Variants in WDR75 observed in about 807,000 individuals in gnomAD.
WDR75 encodes WD repeat-containing protein 75.
WDR75 carries 52 observed loss-of-function variants against 106.1 expected under a neutral mutation model. The observed-to-expected ratio is 0.49, with a 90% CI of 0.39 to 0.62. The LOEUF is 0.62. Ranked by LOEUF, WDR75 falls within the 20% of genes least tolerant of loss-of-function variation. The pLI is 0.00. For synonymous variants in WDR75, 333 were observed against 335.5 expected (o/e 0.99, Z 0.08); for missense variants, 905 against 970.3 (o/e 0.93, Z 0.89).
Position 189,474,461 on chromosome 2 carries a change from A to G in WDR75, c.2196+129A>G, listed in dbSNP as rs1574207283. ...TAATACCCAAACTAAATAACTAACAACAAACCGAGTAACTTAACCTTGTGA... is the reference window on the plus strand; with the variant it reads ...TAATACCCAAACTAAATAACTAACAGCAAACCGAGTAACTTAACCTTGTGA... On this transcript the variant is annotated intron_variant, in intron 19 of 20. Transcript: ENST00000314761. 8.0e-6 allele frequency: 9 copies of G among 1,123,170 alleles called. No homozygotes were observed. In the East Asian group the frequency reaches 2.2e-4, roughly 27 times the overall value. 69.6% of individuals were successfully genotyped at this position (1,123,170 alleles called of 1,614,324 possible).
chr2:189,460,316 G>T (rs1345032698), intron 8 of WDR75, among the ~76,000 whole-genome samples: 1 of 152,158 alleles, frequency 6.6e-6, no homozygotes, highest in Non-Finnish European at 1.5e-5. Context: ...TCTTACTTGG[G>T]TGTAATGCCC....
At chr2:189,473,155 T>A (rs1245343163) in intron 18 of WDR75, among the ~76,000 whole-genome samples, 1 of 151,894 alleles carries the variant, frequency 6.6e-6, no homozygotes, top group African/African-American at 2.4e-5. Flanking sequence ...AGATGGCGGT[T>A]GCAGTGAGCC....
chr2:189,465,748 A>G (rs1686986730), intron 12 of WDR75, among the ~76,000 whole-genome samples: 1 of 152,166 alleles, frequency 6.6e-6, no homozygotes, highest in African/African-American at 2.4e-5. Context: ...CTTCAAAAGA[A>G]CACTGTAAGA....
chr2:189,459,024 C>A, intron 7 of WDR75, 152 bp downstream of exon 7: 2 of 1,098,370 alleles, frequency 1.8e-6, no homozygotes, highest in Non-Finnish European at 2.5e-6. Flanking sequence ...AATTTCTAGC[C>A]TTGGACTTAT....
chr2:189,465,071 C>A lies in WDR75; in HGVS notation c.1114-8C>A. The A allele has an allele frequency of 6.5e-7, 1 of 1,531,624 alleles. No homozygotes were observed. Among genetic ancestry groups the A allele is most frequent in the Non-Finnish European group, 8.8e-7 (1 of 1,136,180 alleles). 94.9% of individuals were successfully genotyped at this position (1,531,624 alleles called of 1,614,324 possible). The stretch of plus-strand genomic sequence containing the variant: ...CATTTTGGTTTTTTGGTTTTTTTTA[C>A]TCATCAGTTAGATATTATACAGCAA... On this transcript the variant is annotated splice_region_variant and splice_polypyrimidine_tract_variant and intron_variant, in intron 11 of 20. Coordinates refer to ENST00000314761, the MANE Select transcript of WDR75 (RefSeq NM_032168.3).
At chr2:189,444,181 T>C (rs1044398936) in intron 1 of WDR75, among the ~76,000 whole-genome samples, 11 of 152,134 alleles carry the variant, frequency 7.2e-5, no homozygotes, top group African/African-American at 2.7e-4. Flanking sequence ...TCAGCAAAGA[T>C]TTGAATATTA....
In WDR75 at chr2:189,448,528, T is replaced by G; in HGVS notation, c.216+20T>G. On this transcript the variant is annotated intron_variant, in intron 2 of 20. Transcript: ENST00000314761. ...CTACAGGTGTCAAACAGTTTATAGC[T>G]GAATACTTTAAGACTGGCTTTGTTC... 6.2e-7 allele frequency: 1 copy of G among 1,608,596 alleles called. No individual in the cohort carries two copies. Among genetic ancestry groups the G allele is most frequent in the Non-Finnish European group, 8.5e-7 (1 of 1,178,104 alleles).
In WDR75 at chr2:189,448,505, A is replaced by G. The variant is rs1378357505; in HGVS notation, c.213A>G (p.Leu71=). 1.2e-6 allele frequency: 2 copies of G among 1,613,782 alleles called. No homozygotes were observed. Among genetic ancestry groups the G allele is most frequent in the Middle Eastern group, 1.7e-4 (1 of 6,058 alleles). The stretch of plus-strand genomic sequence containing the variant: ...TCCAGCTTAACCCCAACAACCATCT[A>G]CAGGTGTCAAACAGTTTATAGCTGA... ...TGIQLNPNNH[L]QLYSCSLDGT... The change falls in exon 2 of 21, where the codon CTA becomes CTG. Residue 71 remains leucine, a synonymous_variant. Transcript: ENST00000314761.
chr2:189,451,029 G>C lies in WDR75; in HGVS notation c.282+61G>C, dbSNP rs1686611014. On this transcript the variant is annotated intron_variant, in intron 3 of 20. Coordinates refer to ENST00000314761, the MANE Select transcript of WDR75 (RefSeq NM_032168.3). Reference sequence around the variant, plus strand: ...TAAAAAAAGGCAATGTAATTTAATGGTAGATGTACTGTTTCTATAAGGCCA... The same window carrying C: ...TAAAAAAAGGCAATGTAATTTAATGCTAGATGTACTGTTTCTATAAGGCCA... The C allele has an allele frequency of 5.2e-6, 8 of 1,548,004 alleles. No individual in the cohort carries two copies. The South Asian group carries it at 1.0e-4, about 20-fold the overall frequency.
intron 1 of WDR75, among the ~76,000 whole-genome samples, chr2:189,442,630 A>T (rs552070037): frequency 1.3e-5 from 2 of 151,820 alleles, no homozygotes; most frequent in Non-Finnish European, 1.5e-5. Context: ...TTGTATTTTT[A>T]GTAGAGAGAG....
At chr2:189,470,902 G>A (rs1194422598) in intron 18 of WDR75, 24 bp downstream of exon 18, 1 of 1,561,002 alleles carries the variant, frequency 6.4e-7, no homozygotes, top group Non-Finnish European at 8.7e-7. Context: ...ATTCATAGCA[G>A]GATGTATTGC....
chr2:189,455,240 C>CAAAAAAAAAAAAAAAAAAA (rs5837143), intron 4 of WDR75, 80 bp from the exon 5 acceptor site: 1 of 1,130,786 alleles, frequency 8.8e-7, no homozygotes, highest in African/African-American at 1.6e-5. Context: ...GACTTTGCCT[C>CAAAAAAAAAAAAAAAAAAA]AAAAAAAAAA....
Position 189,474,766 on chromosome 2 carries a change from C to T in WDR75, c.2246C>T (p.Ser749Phe), listed in dbSNP as rs755378434. Reference sequence around the variant, plus strand: ...CTGCCATCTGCTGCTTTCCTGTGCTCCATGTTTGTAAATTCATTGCTGCTG... The same window carrying T: ...CTGCCATCTGCTGCTTTCCTGTGCTTCATGTTTGTAAATTCATTGCTGCTG... ...HVLPSAAFLC[S>F]MFVNSLLLSK... The change falls in exon 20 of 21, where the codon TCC becomes TTC. Residue 749 changes from serine (S) to phenylalanine (F), a missense_variant. Transcript: ENST00000314761. 8.7e-6 allele frequency: 14 copies of T among 1,614,032 alleles called. 1 individual carries two copies. The highest frequency in any genetic ancestry group is 4.0e-5 in the African/African-American group (3 of 75,028).
At chr2:189,451,479 C>A (rs190684654) in intron 3 of WDR75, among the ~76,000 whole-genome samples, 1 of 152,120 alleles carries the variant, frequency 6.6e-6, no homozygotes, top group Non-Finnish European at 1.5e-5. Context: ...TCAATAAACA[C>A]GTTTTGCTAC....
At chr2:189,451,759 C>G (rs1336826660) in intron 3 of WDR75, 46 bp from the exon 4 acceptor site, 42 of 1,513,432 alleles carry the variant, frequency 2.8e-5, no homozygotes, top group Non-Finnish European at 3.5e-5. Context: ...TTATGTTCCA[C>G]TGGAGGGAAC....
In WDR75 at chr2:189,450,976, G is replaced by T; in HGVS notation, c.282+8G>T. 1 of 1,597,548 alleles carries T rather than the reference G, an allele frequency of 6.3e-7. No homozygotes were observed. The highest frequency in any genetic ancestry group is 8.5e-7 in the Non-Finnish European group (1 of 1,176,130). On this transcript the variant is annotated splice_region_variant and intron_variant, in intron 3 of 20. Coordinates refer to ENST00000314761, the MANE Select transcript of WDR75 (RefSeq NM_032168.3). ...GATGGCATCTTAATAAAGGTATGTGGATTGATCTTTACTTTTCGTTATGTG... is the reference window on the plus strand; with the variant it reads ...GATGGCATCTTAATAAAGGTATGTGTATTGATCTTTACTTTTCGTTATGTG...
In WDR75 at chr2:189,474,775, T is replaced by A; in HGVS notation, c.2255T>A (p.Val752Glu). ...PSAAFLCSMFVNSLLLSKETK... is the reference protein window; with the variant it reads ...PSAAFLCSMFENSLLLSKETK... ...GCTGCTTTCCTGTGCTCCATGTTTG[T>A]AAATTCATTGCTGCTGTCTAAAGAG... is the stretch of plus-strand genomic sequence containing the variant. The change falls in exon 20 of 21, where the codon GTA becomes GAA. Residue 752 changes from valine (V) to glutamate (E), a missense_variant. Val to Glu is a moderately radical substitution (Grantham distance 121). Transcript: ENST00000314761. 1 of 1,614,100 alleles carries A rather than the reference T, an allele frequency of 6.2e-7. No homozygotes were observed. Among genetic ancestry groups the A allele is most frequent in the Non-Finnish European group, 8.5e-7 (1 of 1,179,956 alleles).
intron 15 of WDR75, 132 bp downstream of exon 15, chr2:189,468,701 T>C (rs1169145907): frequency 1.3e-6 from 1 of 773,518 alleles, no homozygotes; most frequent in African/African-American, 1.7e-5. Context: ...ACGTGACATA[T>C]GATGCCACCA....
At position 189,470,216 on chromosome 2, in the gene WDR75, T is replaced by A. The variant is rs771585891; in HGVS notation, c.1960T>A (p.Ser654Thr). ...TSEAYQWLNR[S>T]QFYFLTKSQS... ...AGAAGCTTACCAGTGGCTAAATAGA[T>A]CCCAGTTTTACTTCCTAACAAAATC... Residue 654 changes from serine (S) to threonine (T), a missense_variant, in exon 17 of 21, where the codon TCC becomes ACC. Transcript: ENST00000314761. 8 of 1,612,174 alleles carry A rather than the reference T, an allele frequency of 5.0e-6. No homozygotes were observed. The South Asian group carries it at 8.8e-5, about 18-fold the overall frequency.
Sources: allele counts gnomAD v4.1 joint callset (sites outside exome capture counted in the v4.1 genomes callset), GRCh38; gene constraint gnomAD v4.1.1; transcripts MANE v1.5; gene names NCBI Gene and HGNC (gene_info 2026-07-23, HGNC 2026-07-21).